Variants in CCDC6 observed in about 807,000 individuals in gnomAD.
The protein encoded by CCDC6 is coiled-coil domain-containing protein 6.
A neutral mutation model predicts 56.6 loss-of-function variants in CCDC6; 20 were observed. The observed-to-expected ratio is 0.35, with a 90% CI of 0.25 to 0.51. CCDC6 has a LOEUF of 0.51. Among genes scored for constraint, CCDC6 ranks in the 20% least tolerant of loss-of-function variants. The pLI is 0.95. For synonymous variants in CCDC6, 241 were observed against 234.4 expected, an observed-to-expected ratio of 1.03 and a Z score of -0.26; for missense variants, 367 against 601.1, an observed-to-expected ratio of 0.61 and a Z score of 4.07.
Position 59,789,014 on chromosome 10 carries a change from T to C in CCDC6, c.*3903A>G, listed in dbSNP as rs976358896. On this transcript the variant is annotated 3_prime_UTR_variant, in exon 9 of 9. Coordinates refer to ENST00000263102, the MANE Select transcript of CCDC6 (RefSeq NM_005436.5). ...CATGCTAGCGCTTGGCTCTCCTCTT[T>C]TCCTTGTTGACATCTTTCTGTTGGA... The C allele has an allele frequency of 1.4e-5, 3 of 221,042 alleles. No individual in the cohort carries two copies. The highest frequency in any genetic ancestry group is 6.7e-5 in the African/African-American group (3 of 44,634). 13.7% of individuals were successfully genotyped at this position (221,042 alleles called of 1,614,324 possible).
chr10:59,843,693 G>A (rs2070962771), intron 2 of CCDC6, among the ~76,000 whole-genome samples: 1 of 152,152 alleles, frequency 6.6e-6, no homozygotes, highest in South Asian at 2.1e-4. Flanking sequence ...TGTAGCCTAG[G>A]ATGATAGTAA....
Position 59,885,581 on chromosome 10 carries a change from T to G in CCDC6, c.303+20541A>C, listed in dbSNP as rs115883207. On this transcript the variant is annotated intron_variant, in intron 1 of 8. Transcript: ENST00000263102. ...CCTATCAGACCTGGCCCCACCTACT[T>G]CCAGCTTCAGGCCACATCCCGATCT... 7.0e-3 allele frequency among the ~76,000 whole-genome samples: 1,072 copies of G among 152,208 alleles called. 7 individuals are homozygous for G. Among genetic ancestry groups the G allele is most frequent in the African/African-American group, 0.024 (1,011 of 41,530 alleles).
chr10:59,803,264 G>A (rs1220605509), intron 7 of CCDC6, among the ~76,000 whole-genome samples: 1 of 151,844 alleles, frequency 6.6e-6, no homozygotes, highest in African/African-American at 2.4e-5. Context: ...CTGGCCCATC[G>A]GTACAAAGGC....
chr10:59,898,452 C>T (rs1250254021), intron 1 of CCDC6, among the ~76,000 whole-genome samples: 1 of 152,212 alleles, frequency 6.6e-6, no homozygotes, highest in African/African-American at 2.4e-5. Flanking sequence ...AGATGAACTT[C>T]ATTTTGGAAG....
Position 59,801,847 on chromosome 10 carries a change from T to C in CCDC6, c.1105+2573A>G, listed in dbSNP as rs79928591. 7.5e-3 allele frequency among the ~76,000 whole-genome samples: 1,137 copies of C among 152,292 alleles called. 20 individuals carry two copies. Among genetic ancestry groups the C allele is most frequent in the African/African-American group, 0.025 (1,059 of 41,560 alleles). On this transcript the variant is annotated intron_variant, in intron 7 of 8. Coordinates refer to ENST00000263102, the MANE Select transcript of CCDC6 (RefSeq NM_005436.5). ...TGGGAGCTCCTGTATCCCTCTGACA[T>C]ACCCTCATCACTTTGTTTTCTGGGC... is the stretch of plus-strand genomic sequence containing the variant.
intron 2 of CCDC6, among the ~76,000 whole-genome samples, chr10:59,851,351 CAA>C (rs1369192579): frequency 6.6e-6 from 1 of 152,030 alleles, no homozygotes; most frequent in Non-Finnish European, 1.5e-5. Context: ...AATGAATAAA[CAA>C]AAAGTTTCAG....
intron 4 of CCDC6, 32 bp downstream of exon 4, chr10:59,814,620 A>C (rs2132632891): frequency 7.7e-7 from 1 of 1,300,042 alleles, no homozygotes; most frequent in Non-Finnish European, 1.1e-6. Flanking sequence ...ACACACACAC[A>C]CACCCATACT....
intron 1 of CCDC6, among the ~76,000 whole-genome samples, chr10:59,865,246 C>T (rs1171787): frequency 0.26 from 39,288 of 152,060 alleles, 5,275 homozygotes; most frequent in Middle Eastern, 0.29. Flanking sequence ...GCTTGGAAAA[C>T]CTGCGGTGTT....
At chr10:59,901,605 T>G (rs1423511645) in intron 1 of CCDC6, among the ~76,000 whole-genome samples, 5 of 152,210 alleles carry the variant, frequency 3.3e-5, no homozygotes. Flanking sequence ...GAGAGACACT[T>G]AAATATCAGT....
At chr10:59,890,508 A>G (rs1178270646) in intron 1 of CCDC6, among the ~76,000 whole-genome samples, 1 of 152,134 alleles carries the variant, frequency 6.6e-6, no homozygotes, top group East Asian at 1.9e-4. Flanking sequence ...CAAATCTATA[A>G]TCATTGAATT....
chr10:59,831,503 G>A (rs538405072), intron 3 of CCDC6, among the ~76,000 whole-genome samples: 2 of 152,320 alleles, frequency 1.3e-5, no homozygotes, highest in South Asian at 4.1e-4. Flanking sequence ...TTAACATGGA[G>A]TAAGGTGCAC....
At chr10:59,857,083 A>G (rs1037090290) in intron 1 of CCDC6, among the ~76,000 whole-genome samples, 1 of 152,212 alleles carries the variant, frequency 6.6e-6, no homozygotes, top group Non-Finnish European at 1.5e-5. Context: ...CTCACCGAGC[A>G]GTAATCACTG....
At chr10:59,903,948 C>A (rs2071522930) in intron 1 of CCDC6, among the ~76,000 whole-genome samples, 1 of 152,166 alleles carries the variant, frequency 6.6e-6, no homozygotes, top group Non-Finnish European at 1.5e-5. Context: ...ACAAAACCTG[C>A]AAAATCTTGA....
chr10:59,894,083 T>C (rs538442241), intron 1 of CCDC6, among the ~76,000 whole-genome samples: 1 of 152,334 alleles, frequency 6.6e-6, no homozygotes, highest in East Asian at 1.9e-4. Flanking sequence ...ACTGTTATCA[T>C]GGAATAAGAC....
chr10:59,807,628 T>A (rs1219769190), intron 5 of CCDC6, among the ~76,000 whole-genome samples: 1 of 152,242 alleles, frequency 6.6e-6, no homozygotes, highest in East Asian at 1.9e-4. Context: ...GTTGGCAGGT[T>A]AGGCATCGTC....
chr10:59,832,451 A>T, intron 3 of CCDC6, 74 bp downstream of exon 3: 1 of 1,406,376 alleles, frequency 7.1e-7, no homozygotes, highest in Non-Finnish European at 9.7e-7. Context: ...AAATTCCTCC[A>T]GGCATCTTAA....
intron 1 of CCDC6, among the ~76,000 whole-genome samples, chr10:59,863,573 G>C (rs1324706665): frequency 6.6e-6 from 1 of 152,172 alleles, no homozygotes; most frequent in South Asian, 2.1e-4. Flanking sequence ...GGGTGGTGGG[G>C]AGAGGGATAG....
intron 1 of CCDC6, among the ~76,000 whole-genome samples, chr10:59,903,011 T>A (rs181636556): frequency 2.0e-3 from 305 of 152,214 alleles, no homozygotes; most frequent in Non-Finnish European, 2.6e-3. Flanking sequence ...AAACAAGATA[T>A]AGGAGTTGGG....
chr10:59,813,209 T>C (rs766955413), intron 4 of CCDC6, among the ~76,000 whole-genome samples: 7 of 152,186 alleles, frequency 4.6e-5, no homozygotes, highest in Non-Finnish European at 1.0e-4. Context: ...GCTTCTAAGC[T>C]ACTATGAATC....
Sources: gnomAD v4.1 joint callset for allele counts (sites outside exome capture counted in the v4.1 genomes callset) on GRCh38, gnomAD v4.1.1 for gene constraint, MANE v1.5 for transcripts, NCBI Gene and HGNC (gene_info 2026-07-23, HGNC 2026-07-21) for gene names.